Variants in TRHDE observed in about 807,000 individuals in gnomAD.
TRHDE encodes thyrotropin-releasing hormone-degrading ectoenzyme.
In TRHDE, 72 loss-of-function variants were observed where a neutral mutation model predicts 125.7. The ratio of observed to expected loss-of-function variants is 0.57; its 90% CI spans 0.47 to 0.70. The LOEUF (loss-of-function observed/expected upper bound fraction) is 0.70, where lower values mean the gene tolerates loss of function less well. Among genes scored for constraint, TRHDE ranks in the 30% least tolerant of loss-of-function variants. The pLI is 0.00. For synonymous variants in TRHDE, 509 were observed against 509.1 expected (o/e 1.00, Z 0.00); for missense variants, 1,110 against 1,327.1 (o/e 0.84, Z 2.54).
chr12:72,099,935 C>T (rs1211336639), intron 1 of TRHDE, among the ~76,000 whole-genome samples: 2 of 152,098 alleles, frequency 1.3e-5, no homozygotes, highest in Non-Finnish European at 2.9e-5. Flanking sequence ...TTTCAGAAAT[C>T]CCAGGAAAAT....
At chr12:72,299,020 C>G (rs769605325) in intron 2 of TRHDE, among the ~76,000 whole-genome samples, 1 of 151,956 alleles carries the variant, frequency 6.6e-6, no homozygotes, top group Non-Finnish European at 1.5e-5. Flanking sequence ...CTCTGGGTGA[C>G]CATGATACAG....
At chr12:72,269,926 C>T (rs765926586), upstream of TRHDE, among the ~76,000 whole-genome samples, 1 of 152,182 alleles carries the variant, frequency 6.6e-6, no homozygotes, top group African/African-American at 2.4e-5. Context: ...TGGGTAACCT[C>T]TTCCTTTAGG....
At chr12:72,329,109 G>C (rs1166156086) in intron 2 of TRHDE, among the ~76,000 whole-genome samples, 2 of 152,062 alleles carry the variant, frequency 1.3e-5, no homozygotes, top group Non-Finnish European at 2.9e-5. Context: ...CTAGACTCTT[G>C]GGATATAGTA....
intron 2 of TRHDE, chr12:72,147,928 T>G (rs1165250980): frequency 6.6e-6 from 1 of 152,258 alleles, no homozygotes; most frequent in African/African-American, 2.4e-5. Context: ...GCTGAACAGC[T>G]CTCTAATGAT....
chr12:72,568,752 G>A (rs1208387894), intron 10 of TRHDE, 96 bp downstream of exon 10: 10 of 716,166 alleles, frequency 1.4e-5, no homozygotes, highest in Admixed American at 2.6e-5. Context: ...TGTGAATAAA[G>A]ACAAATTAGA....
intron 15 of TRHDE, among the ~76,000 whole-genome samples, chr12:72,629,429 A>G (rs1873387054): frequency 6.6e-6 from 1 of 151,634 alleles, no homozygotes; most frequent in South Asian, 2.1e-4. Context: ...TGTTTGCCTA[A>G]AATTATACTG....
At chr12:72,124,016 G>A (rs1200669308) in intron 2 of TRHDE, among the ~76,000 whole-genome samples, 2 of 152,120 alleles carry the variant, frequency 1.3e-5, no homozygotes, top group Admixed American at 6.6e-5. Flanking sequence ...TTATCACTGA[G>A]TGGTATGCTG....
chr12:72,663,923 C>T lies in TRHDE; in HGVS notation c.*728C>T, dbSNP rs900619488. The stretch of plus-strand genomic sequence containing the variant: ...TGTATATAGTATGTTGTACACTGCA[C>T]ATGTACAAAGAATGTCTTCAGATCA... On this transcript the variant is annotated 3_prime_UTR_variant, in exon 19 of 19. Transcript: ENST00000261180. The T allele has an allele frequency of 5.3e-5, 8 of 152,062 alleles. No individual in the cohort carries two copies. Among genetic ancestry groups the T allele is most frequent in the African/African-American group, 1.9e-4 (8 of 41,398 alleles). 9.4% of individuals were successfully genotyped at this position (152,062 alleles called of 1,614,324 possible).
intron 2 of TRHDE, among the ~76,000 whole-genome samples, chr12:72,362,171 T>TC (rs1484519740): frequency 7.2e-6 from 1 of 138,182 alleles, no homozygotes; most frequent in South Asian, 2.5e-4. Context: ...TAGTTTACAG[T>TC]CCCACCAACA....
intron 2 of TRHDE, among the ~76,000 whole-genome samples, chr12:72,211,770 A>T (rs1877787647): frequency 6.6e-6 from 1 of 152,178 alleles, no homozygotes; most frequent in African/African-American, 2.4e-5. Flanking sequence ...ATTTTAACAA[A>T]AAAGACTAAT....
intron 6 of TRHDE, among the ~76,000 whole-genome samples, chr12:72,535,546 C>T (rs1200257612): frequency 6.6e-6 from 1 of 152,032 alleles, no homozygotes; most frequent in Non-Finnish European, 1.5e-5. Context: ...TTTCTTTCCC[C>T]TTTCATTCTC....
intron 18 of TRHDE, among the ~76,000 whole-genome samples, chr12:72,659,180 T>C (rs1874820798): frequency 6.6e-6 from 1 of 152,238 alleles, no homozygotes; most frequent in Admixed American, 6.5e-5. Context: ...GTAAAGACGC[T>C]TACATTGTTC....
rs76396520 is a variant in TRHDE at position 72,366,497 on chromosome 12, A to G, written c.1189-11498A>G. 6.1e-3 allele frequency among the ~76,000 whole-genome samples: 934 copies of G among 152,206 alleles called. 9 individuals carry two copies. The highest frequency in any genetic ancestry group is 0.022 in the African/African-American group (897 of 41,516). On this transcript the variant is annotated intron_variant, in intron 2 of 18. Coordinates refer to ENST00000261180, the MANE Select transcript of TRHDE (RefSeq NM_013381.3). ...AGTACTAGAGTGGACAAGTACCTTC[A>G]AAGTTTATTGCCATTTTATGGGAGT...
chr12:72,603,740 AAAC>A (rs1872309204), intron 12 of TRHDE, among the ~76,000 whole-genome samples: 1 of 149,276 alleles, frequency 6.7e-6, no homozygotes. Flanking sequence ...AAAAAACAAA[AAAC>A]AAAACAAAAC....
chr12:72,419,742 A>AC (rs1873875199), intron 3 of TRHDE, among the ~76,000 whole-genome samples: 2 of 152,166 alleles, frequency 1.3e-5, no homozygotes, highest in African/African-American at 2.4e-5. Context: ...TAAGAAAAAT[A>AC]CACTTACCTC....
intron 3 of TRHDE, among the ~76,000 whole-genome samples, chr12:72,404,678 CA>C (rs1272698138): frequency 6.6e-6 from 1 of 152,088 alleles, no homozygotes; most frequent in East Asian, 1.9e-4. Flanking sequence ...ATGACAACAG[CA>C]CAAGAAAGAC....
At chr12:72,303,830 C>G (rs1868297283) in intron 2 of TRHDE, among the ~76,000 whole-genome samples, 1 of 152,000 alleles carries the variant, frequency 6.6e-6, no homozygotes, top group African/African-American at 2.4e-5. Context: ...TGTGTCAAGC[C>G]AAAAATGAGG....
intron 2 of TRHDE, among the ~76,000 whole-genome samples, chr12:72,178,961 A>G (rs1877043107): frequency 6.6e-6 from 1 of 152,130 alleles, no homozygotes; most frequent in South Asian, 2.1e-4. Context: ...CTGAAGATAT[A>G]TAGAAGAACA....
chr12:72,374,408 C>G (rs1871779949), intron 2 of TRHDE, among the ~76,000 whole-genome samples: 1 of 151,064 alleles, frequency 6.6e-6, no homozygotes, highest in African/African-American at 2.4e-5. Context: ...GTCAGGTGGA[C>G]AGTTGAATTC....
Sources: gnomAD v4.1 joint callset for allele counts (sites outside exome capture counted in the v4.1 genomes callset) on GRCh38, gnomAD v4.1.1 for gene constraint, MANE v1.5 for transcripts, NCBI Gene and HGNC (gene_info 2026-07-23, HGNC 2026-07-21) for gene names.